The following PDE6D variants were observed in gnomAD, a reference collection of about 807,000 sequenced individuals.
The protein encoded by PDE6D is phosphodiesterase 6D.
In PDE6D, 10 loss-of-function variants were observed where a neutral mutation model predicts 21.9. The ratio of observed to expected loss-of-function variants is 0.46; its 90% confidence interval spans 0.28 to 0.78. The LOEUF is 0.78. PDE6D is among the 30% of genes least tolerant of loss of function. PDE6D has a pLI of 0.12. For synonymous variants in PDE6D, 59 were observed against 63.5 expected, an observed-to-expected ratio of 0.93 and a Z score of 0.34; for missense variants, 139 against 184.8, an observed-to-expected ratio of 0.75 and a Z score of 1.44.
intron 1 of PDE6D, among the ~76,000 whole-genome samples, chr2:231,759,430 C>T (rs1408648438): frequency 2.6e-5 from 4 of 152,060 alleles, no homozygotes; most frequent in African/African-American, 4.8e-5. Context: ...GGGGGAAAAA[C>T]AGCCATTGGA....
intron 1 of PDE6D, among the ~76,000 whole-genome samples, chr2:231,759,329 A>G (rs1005819157): frequency 2.0e-5 from 3 of 152,074 alleles, no homozygotes; most frequent in African/African-American, 7.2e-5. Context: ...ATAAATAAAT[A>G]AAGCAATTTT....
Position 231,739,158 on chromosome 2 carries a change from TG to T in PDE6D, c.80del (p.Thr27LysfsTer61). 1 of 1,612,912 alleles carries T rather than the reference TG, an allele frequency of 6.2e-7. No individual in the cohort carries two copies. The highest frequency in any genetic ancestry group is 1.1e-5 in the South Asian group (1 of 91,062). ...LNWMNLRDAE[T>X]GKILWQGTED... ...CTGTTCCTTGCCAGAGTATCTTCCCTGTCTCAGCATCCCGAAGGTTCATCCA... is the reference window on the plus strand; with the variant it reads ...CTGTTCCTTGCCAGAGTATCTTCCCTTCTCAGCATCCCGAAGGTTCATCCA... On this transcript the variant is annotated frameshift_variant, in exon 2 of 5. Transcript: ENST00000287600. LOFTEE classifies it high-confidence loss of function. The surrounding 1 kb of genome is among the most constrained non-coding windows in gnomAD (Gnocchi z 4.2).
chr2:231,747,592 A>G (rs536962867), intron 1 of PDE6D, among the ~76,000 whole-genome samples: 1 of 152,216 alleles, frequency 6.6e-6, no homozygotes, highest in South Asian at 2.1e-4. Flanking sequence ...CTCCTTCTCC[A>G]TTCTCTTCAT....
intron 1 of PDE6D, among the ~76,000 whole-genome samples, chr2:231,741,708 T>C (rs904512128): frequency 2.0e-5 from 3 of 152,116 alleles, no homozygotes; most frequent in African/African-American, 7.2e-5. Context: ...TCTAAGCAAA[T>C]GACAAAAATC....
At chr2:231,752,519 C>G (rs2048848181) in intron 1 of PDE6D, among the ~76,000 whole-genome samples, 1 of 152,180 alleles carries the variant, frequency 6.6e-6, no homozygotes, top group African/African-American at 2.4e-5. Context: ...TTTTTATGAA[C>G]AACTTCAAAT....
intron 1 of PDE6D, among the ~76,000 whole-genome samples, chr2:231,749,862 T>A (rs1177171590): frequency 2.6e-5 from 4 of 152,024 alleles, no homozygotes; most frequent in Admixed American, 2.6e-4. Flanking sequence ...TGTGGAGTTT[T>A]GGGTTAATGT....
chr2:231,741,649 T>C (rs1473784024), intron 1 of PDE6D, among the ~76,000 whole-genome samples: 3 of 152,168 alleles, frequency 2.0e-5, no homozygotes, highest in Non-Finnish European at 4.4e-5. Flanking sequence ...AGGAGATTTA[T>C]ACAATTAGAG....
At chr2:231,735,241 C>G (rs1005417113) in intron 4 of PDE6D, among the ~76,000 whole-genome samples, 2 of 86,946 alleles carry the variant, frequency 2.3e-5, no homozygotes, top group Admixed American at 2.5e-4. Context: ...GACTCCATAT[C>G]AAAAAAAAAA....
chr2:231,753,451 T>TGAGGCGGGA (rs1353812215), intron 1 of PDE6D, among the ~76,000 whole-genome samples: 2 of 151,214 alleles, frequency 1.3e-5, no homozygotes, highest in African/African-American at 4.9e-5. Context: ...CTCCGGAGGG[T>TGAGGCGGGA]GAGGCGGGAG....
At chr2:231,762,338 G>GTTTTTTTTTTTT (rs1559327728) in intron 1 of PDE6D, among the ~76,000 whole-genome samples, 1 of 119,216 alleles carries the variant, frequency 8.4e-6, no homozygotes. Flanking sequence ...AAGGACTAAC[G>GTTTTTTTTTTTT]CTTTTTTTTT....
intron 1 of PDE6D, among the ~76,000 whole-genome samples, chr2:231,744,216 A>G (rs920857151): frequency 2.0e-5 from 3 of 152,242 alleles, no homozygotes; most frequent in African/African-American, 7.2e-5. Flanking sequence ...AGAGGTCAGA[A>G]AAGCAAAGCC....
chr2:231,776,863 A>C (rs1412412176), intron 1 of PDE6D, among the ~76,000 whole-genome samples: 1 of 152,242 alleles, frequency 6.6e-6, no homozygotes, highest in Non-Finnish European at 1.5e-5. Context: ...ATTAATTTAC[A>C]ATTAGGAAAT....
At chr2:231,762,450 T>A (rs62197250) in intron 1 of PDE6D, among the ~76,000 whole-genome samples, 26,830 of 151,354 alleles carry the variant, frequency 0.18, 2,759 homozygotes, top group Non-Finnish European at 0.23. Flanking sequence ...GTTCAAGTGA[T>A]TCTCCTGCCT....
rs946948343 is a variant in PDE6D, at chr2:231,737,994, C to T, written c.265+19G>A. On this transcript the variant is annotated intron_variant, in intron 3 of 4. Transcript: ENST00000287600. ...GGTCGCCCTAAGCCCTGATTTCAGG[C>T]ATGTAGGCAGCAGAATACCTTCTAG... is the stretch of plus-strand genomic sequence containing the variant. The T allele has an allele frequency of 6.2e-7, 1 of 1,609,822 alleles. No homozygotes were observed. Among genetic ancestry groups the T allele is most frequent in the East Asian group, 2.2e-5 (1 of 44,842 alleles).
At chr2:231,756,488 G>A (rs2048883189) in intron 1 of PDE6D, among the ~76,000 whole-genome samples, 1 of 152,048 alleles carries the variant, frequency 6.6e-6, no homozygotes, top group Non-Finnish European at 1.5e-5. Flanking sequence ...CTAGGCTGGA[G>A]TGCAATGGCA....
chr2:231,737,058 C>T (rs10192111), intron 4 of PDE6D, 129 bp downstream of exon 4: 9,016 of 510,694 alleles, frequency 0.018, 292 homozygotes, highest in African/African-American at 0.093. Context: ...AACCTAGATA[C>T]CCTTGGATAC....
At chr2:231,775,483 G>GTTTTTTT in intron 1 of PDE6D, among the ~76,000 whole-genome samples, 1 of 132,804 alleles carries the variant, frequency 7.5e-6, no homozygotes. Context: ...TAATTTTTGT[G>GTTTTTTT]TGTGTTTTTT....
intron 1 of PDE6D, among the ~76,000 whole-genome samples, chr2:231,770,077 T>C (rs375265835): frequency 1.4e-4 from 22 of 152,360 alleles, no homozygotes; most frequent in African/African-American, 4.3e-4. Flanking sequence ...TTTTTTTCCC[T>C]ATTAACGAGA....
At chr2:231,759,661 T>C (rs1004972050) in intron 1 of PDE6D, among the ~76,000 whole-genome samples, 11 of 152,158 alleles carry the variant, frequency 7.2e-5, no homozygotes, top group Non-Finnish European at 2.9e-5. Context: ...AAACTGAAGT[T>C]GGTATAGATT....
Sources: allele counts gnomAD v4.1 joint callset (sites outside exome capture counted in the v4.1 genomes callset), GRCh38; gene constraint gnomAD v4.1.1; non-coding constraint Gnocchi (gnomAD v3.1); transcripts MANE v1.5; gene names NCBI Gene and HGNC (gene_info 2026-07-23, HGNC 2026-07-21).